Variants in NBAS observed in about 807,000 individuals in gnomAD.
NBAS encodes NAG/BC035112 fusion.
Under a neutral mutation model 302.5 loss-of-function variants are expected in NBAS, and 219 were observed. The observed-to-expected ratio is 0.72, with a 90% CI of 0.65 to 0.81. The LOEUF (loss-of-function observed/expected upper bound fraction) is 0.81, where lower values mean the gene tolerates loss of function less well. Among genes scored for constraint, NBAS ranks in the 30% least tolerant of loss-of-function variants. The probability of loss-of-function intolerance (pLI) is 0.00; values close to 1 mark genes in which losing one functional copy is unlikely to be tolerated. For missense variants in NBAS, 2,932 were observed against 2,841.6 expected (o/e 1.03, Z -0.72); for synonymous variants, 1,118 against 1,021.6 (o/e 1.09, Z -1.80).
At chr2:15,376,614 G>T (rs1403077401) in intron 30 of NBAS, among the ~76,000 whole-genome samples, 2 of 152,028 alleles carry the variant, frequency 1.3e-5, no homozygotes, top group Admixed American at 6.6e-5. Context: ...GGAATGGGGG[G>T]ACTTGGTGCA....
chr2:15,264,449 T>C lies in NBAS; in HGVS notation c.5724+11035A>G, dbSNP rs568564515. ...AGCATTTATGATTGTACTGCGTACA[T>C]GGTCCTTTGGCCAATTTTCAATCTC... is the stretch of plus-strand genomic sequence containing the variant. On this transcript the variant is annotated intron_variant, in intron 44 of 51. Transcript: ENST00000281513. 5.4e-3 allele frequency among the ~76,000 whole-genome samples: 817 copies of C among 152,282 alleles called. 4 individuals are homozygous for C. The highest frequency in any genetic ancestry group is 0.017 in the African/African-American group (702 of 41,552).
At chr2:15,300,319 T>C (rs1056968975) in intron 40 of NBAS, among the ~76,000 whole-genome samples, 9 of 152,246 alleles carry the variant, frequency 5.9e-5, no homozygotes, top group African/African-American at 9.6e-5. Context: ...GGTGTTATTA[T>C]GTGCAGGCAA....
At chr2:15,295,050 T>C (rs921833917) in intron 40 of NBAS, among the ~76,000 whole-genome samples, 2 of 152,230 alleles carry the variant, frequency 1.3e-5, no homozygotes, top group African/African-American at 4.8e-5. Flanking sequence ...TGGTTTCTCA[T>C]AGTTTTCTTC....
the NBAS span, among the ~76,000 whole-genome samples, chr2:15,012,897 A>C: frequency 6.6e-6 from 1 of 151,908 alleles, no homozygotes; most frequent in African/African-American, 2.4e-5. Flanking sequence ...TCACTTTGTC[A>C]CCCAGCCTGG....
intron 43 of NBAS, among the ~76,000 whole-genome samples, chr2:15,276,433 A>T (rs1002694445): frequency 1.3e-5 from 2 of 152,216 alleles, no homozygotes; most frequent in Non-Finnish European, 2.9e-5. Context: ...AATTTATCAA[A>T]TATTCAAAGG....
intron 14 of NBAS, among the ~76,000 whole-genome samples, chr2:15,475,049 T>C (rs1335746934): frequency 6.6e-6 from 1 of 152,264 alleles, no homozygotes; most frequent in Non-Finnish European, 1.5e-5. Flanking sequence ...TGCTAAGTTC[T>C]GAGTCTGAAA....
chr2:15,468,586 C>T lies in NBAS; in HGVS notation c.1726-53G>A, dbSNP rs1679826542. On this transcript the variant is annotated intron_variant, in intron 16 of 51. Transcript: ENST00000281513. ...TTACAGAATCCATGACATCTTACAA[C>T]ACATTACAACTGCCTTCAGAATTGT... 4 of 1,578,008 alleles carry T rather than the reference C, an allele frequency of 2.5e-6. 1 individual carries two copies. Among genetic ancestry groups the T allele is most frequent in the South Asian group, 2.2e-5 (2 of 90,296 alleles).
chr2:15,105,634 G>A, the NBAS span, among the ~76,000 whole-genome samples: 1 of 152,054 alleles, frequency 6.6e-6, no homozygotes, highest in South Asian at 2.1e-4. Context: ...GTGTGCCTGA[G>A]AACAAAAATG....
chr2:14,991,333 C>A, the NBAS span, among the ~76,000 whole-genome samples: 1 of 152,048 alleles, frequency 6.6e-6, no homozygotes, highest in Non-Finnish European at 1.5e-5. Context: ...TCTTGCTGAG[C>A]CTGCTGCTTA....
At chr2:14,952,051 C>G in the NBAS span, among the ~76,000 whole-genome samples, 1 of 152,160 alleles carries the variant, frequency 6.6e-6, no homozygotes, top group African/African-American at 2.4e-5. Context: ...ATGGTAGAGC[C>G]ACTTCCTTCT....
chr2:15,226,559 C>T (rs922099260), intron 47 of NBAS, among the ~76,000 whole-genome samples: 17 of 152,100 alleles, frequency 1.1e-4, no homozygotes, highest in Middle Eastern at 3.4e-3. Flanking sequence ...ATAATTAATT[C>T]CTTTGTCCTA....
At chr2:15,144,265 G>A in the NBAS span, among the ~76,000 whole-genome samples, 2 of 151,944 alleles carry the variant, frequency 1.3e-5, no homozygotes, top group South Asian at 4.2e-4. Context: ...GAGTATGGCT[G>A]CCTTGGCAAA....
At chr2:15,016,773 G>A in the NBAS span, among the ~76,000 whole-genome samples, 2 of 152,098 alleles carry the variant, frequency 1.3e-5, no homozygotes, top group East Asian at 1.9e-4. Flanking sequence ...CATAAAAATC[G>A]ACTCATAGAC....
At chr2:14,974,946 C>T in the NBAS span, among the ~76,000 whole-genome samples, 2 of 152,272 alleles carry the variant, frequency 1.3e-5, no homozygotes, top group Admixed American at 1.3e-4. Context: ...AGATTCAAAG[C>T]ACAAGAAGAA....
chr2:15,164,858 C>T (rs142263624), downstream of NBAS, among the ~76,000 whole-genome samples: 2 of 152,270 alleles, frequency 1.3e-5, no homozygotes, highest in South Asian at 2.1e-4. Flanking sequence ...ACAGAAACTG[C>T]TCAAACCTTT....
the NBAS span, among the ~76,000 whole-genome samples, chr2:15,020,472 G>A: frequency 6.6e-6 from 1 of 152,194 alleles, no homozygotes; most frequent in Non-Finnish European, 1.5e-5. Flanking sequence ...AAGGCTGAAG[G>A]AGGGATTCAC....
chr2:15,416,128 C>CA (rs2148460589), intron 24 of NBAS, among the ~76,000 whole-genome samples: 1 of 152,004 alleles, frequency 6.6e-6, no homozygotes, highest in South Asian at 2.1e-4. Context: ...GAGGCAGAGA[C>CA]ACACAGAAAA....
At chr2:15,087,235 C>A in the NBAS span, among the ~76,000 whole-genome samples, 1 of 150,314 alleles carries the variant, frequency 6.7e-6, no homozygotes, top group East Asian at 2.0e-4. Flanking sequence ...CACACACACA[C>A]ACACACACAC....
At chr2:15,467,254 G>A (rs569520368) in intron 19 of NBAS, 75 bp downstream of exon 19, 134 of 1,084,160 alleles carry the variant, frequency 1.2e-4, no homozygotes, top group African/African-American at 8.5e-4. Flanking sequence ...AAGAATATCC[G>A]ATATTAGGGC....
Sources: gnomAD v4.1 joint callset for allele counts (sites outside exome capture counted in the v4.1 genomes callset) on GRCh38, gnomAD v4.1.1 for gene constraint, MANE v1.5 for transcripts, NCBI Gene and HGNC (gene_info 2026-07-23, HGNC 2026-07-21) for gene names.